PRR16: variants seen among roughly 807,000 people sequenced by gnomAD.
The protein encoded by PRR16 is proline rich 16.
A neutral mutation model predicts 18.2 loss-of-function variants in PRR16; 6 were observed. That is an observed-to-expected ratio of 0.33 (90% CI 0.18 to 0.65). PRR16 has a LOEUF of 0.65. Ranked by LOEUF, PRR16 falls within the 30% of genes least tolerant of loss-of-function variation. The probability of loss-of-function intolerance (pLI) is 0.74; values close to 1 mark genes in which losing one functional copy is unlikely to be tolerated. For synonymous variants in PRR16, 151 were observed against 147.8 expected (o/e 1.02, Z -0.16); for missense variants, 412 against 376.6 (o/e 1.09, Z -0.78).
intron 1 of PRR16, among the ~76,000 whole-genome samples, chr5:120,506,568 AGAGT>A (rs1750652008): frequency 6.6e-6 from 1 of 152,124 alleles, no homozygotes; most frequent in African/African-American, 2.4e-5. Flanking sequence ...CATTTTAACC[AGAGT>A]GAGATGATAC....
chr5:120,721,545 T>A, the PRR16 span, among the ~76,000 whole-genome samples: 1 of 151,854 alleles, frequency 6.6e-6, no homozygotes, highest in African/African-American at 2.4e-5. Flanking sequence ...GAAAAGCAAA[T>A]GTGGAATCCC....
At chr5:120,775,766 G>A in the PRR16 span, among the ~76,000 whole-genome samples, 4 of 148,732 alleles carry the variant, frequency 2.7e-5, no homozygotes. Flanking sequence ...GAGTAGCTGG[G>A]ATTACAGGCA....
At chr5:120,766,096 G>C in the PRR16 span, among the ~76,000 whole-genome samples, 4 of 152,096 alleles carry the variant, frequency 2.6e-5, no homozygotes, top group African/African-American at 7.2e-5. Flanking sequence ...CTTTGGTAAA[G>C]CTATCTATCT....
chr5:120,507,737 C>T (rs1474492480), intron 1 of PRR16, among the ~76,000 whole-genome samples: 1 of 151,884 alleles, frequency 6.6e-6, no homozygotes, highest in Non-Finnish European at 1.5e-5. Flanking sequence ...CGCTAGTTAA[C>T]CATTTTTTTT....
chr5:120,662,121 A>T (rs1395718611), intron 1 of PRR16, among the ~76,000 whole-genome samples: 1 of 152,184 alleles, frequency 6.6e-6, no homozygotes, highest in East Asian at 1.9e-4. Context: ...GTTATCCATA[A>T]ATTCTGTCTA....
the PRR16 span, among the ~76,000 whole-genome samples, chr5:120,755,619 A>G: frequency 1.3e-5 from 2 of 151,964 alleles, no homozygotes; most frequent in African/African-American, 4.8e-5. Flanking sequence ...TATTTTCTTT[A>G]TCCAGTCCAC....
Position 120,646,158 on chromosome 5 carries a change from A to G in PRR16, c.160-39796A>G, listed in dbSNP as rs1302567678. 4.0e-5 allele frequency among the ~76,000 whole-genome samples: 6 copies of G among 150,520 alleles called. No individual in the cohort carries two copies. The East Asian group carries it at 1.2e-3, about 30-fold the overall frequency. ...GCATGGGGTTTACAGGCAGGGGAAA[A>G]TGACAATAATCTCTGTGGTTATTAG... On this transcript the variant is annotated intron_variant, in intron 1 of 1. Transcript: ENST00000407149.
intron 1 of PRR16, among the ~76,000 whole-genome samples, chr5:120,510,127 A>G (rs182343082): frequency 2.4e-4 from 36 of 152,324 alleles, no homozygotes; most frequent in African/African-American, 8.2e-4. Context: ...AGCTGGTCTT[A>G]TCACTTAAAT....
chr5:120,634,455 C>G (rs1036483583), intron 1 of PRR16, among the ~76,000 whole-genome samples: 6 of 152,052 alleles, frequency 3.9e-5, no homozygotes, highest in Admixed American at 2.0e-4. Context: ...ACAAGCCTGG[C>G]CAACATGGTG....
chr5:120,667,000 T>G (rs1343421143), intron 1 of PRR16, among the ~76,000 whole-genome samples: 5 of 149,732 alleles, frequency 3.3e-5, no homozygotes, highest in Non-Finnish European at 7.5e-5. Context: ...GATTCCCTCT[T>G]TTTCTATTGA....
At chr5:120,567,640 A>G (rs1215273705) in intron 1 of PRR16, among the ~76,000 whole-genome samples, 2 of 152,054 alleles carry the variant, frequency 1.3e-5, no homozygotes, top group African/African-American at 4.8e-5. Context: ...TTCTCATGAT[A>G]GTGAGTGACT....
intron 1 of PRR16, among the ~76,000 whole-genome samples, chr5:120,587,890 T>C (rs576093308): frequency 6.6e-6 from 1 of 152,274 alleles, no homozygotes; most frequent in South Asian, 2.1e-4. Flanking sequence ...GAAAAGTAAA[T>C]TAAAAACATT....
the PRR16 span, among the ~76,000 whole-genome samples, chr5:120,754,499 T>TA: frequency 1.4e-4 from 9 of 64,862 alleles, no homozygotes; most frequent in East Asian, 1.1e-3. Flanking sequence ...AGTATGTATT[T>TA]TATTATGTAT....
intron 1 of PRR16, among the ~76,000 whole-genome samples, chr5:120,504,928 ACT>A (rs201127825): frequency 0.015 from 2,302 of 152,206 alleles, 25 homozygotes; most frequent in Non-Finnish European, 0.024. Flanking sequence ...GATTGCAGAA[ACT>A]CATGGGAACA....
intron 1 of PRR16, among the ~76,000 whole-genome samples, chr5:120,528,317 G>C (rs1751434626): frequency 6.6e-6 from 1 of 152,298 alleles, no homozygotes; most frequent in East Asian, 1.9e-4. Context: ...AGGAAAGTCA[G>C]GTGAAGTGTG....
intron 1 of PRR16, among the ~76,000 whole-genome samples, chr5:120,670,186 C>G (rs1756549913): frequency 6.6e-6 from 1 of 151,910 alleles, no homozygotes; most frequent in Admixed American, 6.6e-5. Context: ...AAAAAATATT[C>G]TATGTTTTGC....
rs113404012 is a variant in PRR16 at position 120,591,020 on chromosome 5, C to G, written c.160-94934C>G. Among the ~76,000 whole-genome samples the G allele has an allele frequency of 7.3e-3, 1,118 of 152,134 alleles. 17 individuals carry two copies. The highest frequency in any genetic ancestry group is 0.025 in the African/African-American group (1,055 of 41,512). On this transcript the variant is annotated intron_variant, in intron 1 of 1. Coordinates refer to ENST00000407149, the MANE Select transcript of PRR16 (RefSeq NM_001300783.2). ...GTAGGCTGGGTGTGGTGTCTCACGC[C>G]TGTAATCCCAGCACTTTGGGAGGCC...
chr5:120,619,678 TATTAAA>T (rs1438922325), intron 1 of PRR16, among the ~76,000 whole-genome samples: 1 of 152,130 alleles, frequency 6.6e-6, no homozygotes, highest in Non-Finnish European at 1.5e-5. Context: ...TAAGAATCTA[TATTAAA>T]ATATAGTAAA....
the PRR16 span, among the ~76,000 whole-genome samples, chr5:120,694,600 C>T: frequency 2.0e-5 from 3 of 150,708 alleles, no homozygotes; most frequent in African/African-American, 7.3e-5. Context: ...AGGAGAATGG[C>T]GTGAACCCCA....
Sources: allele counts gnomAD v4.1 joint callset (sites outside exome capture counted in the v4.1 genomes callset), GRCh38; gene constraint gnomAD v4.1.1; transcripts MANE v1.5; gene names NCBI Gene and HGNC (gene_info 2026-07-23, HGNC 2026-07-21).